IQANK1: variants seen among roughly 807,000 people sequenced by gnomAD.
IQANK1 encodes the protein IQ motif and ankyrin repeat domain-containing protein 1.
In IQANK1, 30 loss-of-function variants were observed where a neutral mutation model predicts 22.6. The ratio of observed to expected loss-of-function variants is 1.33; its 90% CI spans 0.99 to 1.80. IQANK1 has a LOEUF of 1.80. IQANK1 is among the 40% of genes most tolerant of loss of function. The pLI is 0.00. For missense variants in IQANK1, 275 were observed against 235.2 expected (o/e 1.17, Z -1.11); for synonymous variants, 122 against 99.6 (o/e 1.23, Z -1.34).
At position 143,790,422 on chromosome 8, in the gene IQANK1, G is replaced by T. The variant is rs976079399; in HGVS notation, c.1497G>T (p.Ala499=). 1.5e-6 allele frequency: 1 copy of T among 668,802 alleles called. No individual in the cohort carries two copies. The highest frequency in any genetic ancestry group is 2.1e-6 in the Non-Finnish European group (1 of 473,980). 41.4% of individuals were successfully genotyped at this position (668,802 alleles called of 1,614,324 possible). The change falls in exon 14 of 14, where the codon GCG becomes GCT. Residue 499 remains alanine (A), a synonymous_variant. Coordinates refer to ENST00000527139, the MANE Select transcript of IQANK1 (RefSeq NM_001381874.1). ...LFPVVQRQLE[A]VQERYLSLLR... ...CAGTCGTGCAGCGGCAGCTGGAGGC[G>T]GTGCAGGAGAGGTACCTGTCGCTGC...
intron 7 of IQANK1, among the ~76,000 whole-genome samples, chr8:143,777,289 G>A (rs1228997471): frequency 6.6e-6 from 1 of 151,996 alleles, no homozygotes. Context: ...GCTGAGGTGC[G>A]TAGATCACCT....
chr8:143,769,686 GT>G (rs1554629524), intron 3 of IQANK1, among the ~76,000 whole-genome samples: 3 of 152,184 alleles, frequency 2.0e-5, no homozygotes, highest in Non-Finnish European at 1.5e-5. Flanking sequence ...CACCTGCCTG[GT>G]GTTGGGACCA....
At chr8:143,739,174 C>G (rs559786987) in intron 2 of IQANK1, among the ~76,000 whole-genome samples, 1 of 152,118 alleles carries the variant, frequency 6.6e-6, no homozygotes, top group Non-Finnish European at 1.5e-5. Flanking sequence ...TTTGGGTCTC[C>G]AGGCTGGAGG....
chr8:143,751,324 A>G (rs1406578780), intron 3 of IQANK1, among the ~76,000 whole-genome samples: 1 of 152,094 alleles, frequency 6.6e-6, no homozygotes, highest in Non-Finnish European at 1.5e-5. Flanking sequence ...ATAATTTAAA[A>G]ATATGGGCTG....
chr8:143,741,237 G>A (rs1416269451), intron 3 of IQANK1, among the ~76,000 whole-genome samples: 1 of 152,214 alleles, frequency 6.6e-6, no homozygotes, highest in Admixed American at 6.5e-5. Flanking sequence ...CCGCCTCACT[G>A]GCTAGGCGTC....
At chr8:143,756,735 G>A (rs1338706608) in intron 3 of IQANK1, among the ~76,000 whole-genome samples, 1 of 151,848 alleles carries the variant, frequency 6.6e-6, no homozygotes, top group African/African-American at 2.4e-5. Context: ...GGAAGCTGAG[G>A]CAGGAGGATT....
chr8:143,772,805 C>T (rs1407115587), intron 7 of IQANK1, among the ~76,000 whole-genome samples: 3 of 152,220 alleles, frequency 2.0e-5, no homozygotes, highest in Admixed American at 6.5e-5. Context: ...CATTTCCTTC[C>T]GTGCTTTGCC....
chr8:143,739,674 A>G (rs1163458429), intron 2 of IQANK1, among the ~76,000 whole-genome samples, 185 bp from the exon 3 acceptor site: 3 of 152,170 alleles, frequency 2.0e-5, no homozygotes, highest in Non-Finnish European at 4.4e-5. Flanking sequence ...GCAGTGGAGT[A>G]TGTGCTGCTG....
At chr8:143,767,782 G>T (rs1211707305) in intron 3 of IQANK1, among the ~76,000 whole-genome samples, 1 of 151,572 alleles carries the variant, frequency 6.6e-6, no homozygotes. Flanking sequence ...CTACTCAGGA[G>T]GCTGAGGCAG....
intron 7 of IQANK1, among the ~76,000 whole-genome samples, chr8:143,787,269 G>A (rs1016110171): frequency 6.6e-6 from 1 of 152,152 alleles, no homozygotes; most frequent in African/African-American, 2.4e-5. Context: ...GGTGGGCTTT[G>A]AACTTTTGGT....
chr8:143,776,059 C>T (rs936447041), intron 7 of IQANK1, among the ~76,000 whole-genome samples: 2 of 149,582 alleles, frequency 1.3e-5, no homozygotes, highest in East Asian at 1.9e-4. Flanking sequence ...CGGCGGCTCA[C>T]GCCTGTAATC....
chr8:143,740,765 G>A (rs1285235123), intron 3 of IQANK1, among the ~76,000 whole-genome samples: 4 of 152,220 alleles, frequency 2.6e-5, no homozygotes, highest in Non-Finnish European at 5.9e-5. Flanking sequence ...CCCATCGCCT[G>A]ATCGCCTGTG....
intron 3 of IQANK1, among the ~76,000 whole-genome samples, chr8:143,751,662 G>A (rs55747397): frequency 0.37 from 19,743 of 53,790 alleles, 4,055 homozygotes; most frequent in African/African-American, 0.57. Flanking sequence ...GTGTGTGTGT[G>A]TGTATATATA....
In IQANK1 at chr8:143,790,591, C is replaced by T; in HGVS notation, c.1666C>T (p.Pro556Ser). The T allele has an allele frequency of 2.5e-6, 1 of 398,880 alleles. No individual in the cohort carries two copies. The highest frequency in any genetic ancestry group is 4.4e-6 in the Non-Finnish European group (1 of 226,092). The allele number at this position is 398,880 out of a possible 1,614,324, so 24.7% of individuals were successfully genotyped here. The change falls in exon 14 of 14, where the codon CCA becomes TCA. Residue 556 changes from proline to serine, a missense_variant. By Grantham distance (74) the Pro-to-Ser change is moderately conservative. Transcript: ENST00000527139. ...QVLLPVRVQL[P>S]GTGL ...GCTGCTCCCAGTGCGCGTGCAGCTGCCAGGCACAGGCCTCTAGTGCTGGCC... is the reference window on the plus strand; with the variant it reads ...GCTGCTCCCAGTGCGCGTGCAGCTGTCAGGCACAGGCCTCTAGTGCTGGCC...
intron 2 of IQANK1, among the ~76,000 whole-genome samples, 165 bp from the exon 3 acceptor site, chr8:143,739,694 G>A (rs1183777502): frequency 6.6e-6 from 1 of 152,216 alleles, no homozygotes; most frequent in Non-Finnish European, 1.5e-5. Context: ...GGAGGAGCCC[G>A]TGCTCCTTAA....
intron 7 of IQANK1, among the ~76,000 whole-genome samples, chr8:143,780,473 C>T (rs908605510): frequency 1.3e-5 from 2 of 152,130 alleles, no homozygotes; most frequent in Non-Finnish European, 2.9e-5. Flanking sequence ...CCTCCCTCCT[C>T]CCACCCTCCA....
intron 3 of IQANK1, among the ~76,000 whole-genome samples, chr8:143,769,784 T>C (rs373952385): frequency 1.9e-4 from 29 of 152,322 alleles, no homozygotes; most frequent in African/African-American, 6.7e-4. Flanking sequence ...AACACTTTGA[T>C]TTCGTCTGTC....
At chr8:143,749,184 A>C (rs1333890990) in intron 3 of IQANK1, among the ~76,000 whole-genome samples, 3 of 123,838 alleles carry the variant, frequency 2.4e-5, no homozygotes, top group East Asian at 4.8e-4. Context: ...ATAATATATA[A>C]ATATATATCA....
intron 3 of IQANK1, chr8:143,743,163 C>T: frequency 2.5e-6 from 1 of 404,734 alleles, no homozygotes; most frequent in South Asian, 1.7e-5. Context: ...TGTGGGTTTC[C>T]TTCCCTCTGG....
Sources: gnomAD v4.1 joint callset for allele counts (sites outside exome capture counted in the v4.1 genomes callset) on GRCh38, gnomAD v4.1.1 for gene constraint, MANE v1.5 for transcripts, NCBI Gene and HGNC (gene_info 2026-07-23, HGNC 2026-07-21) for gene names.